The following SBNO2 variants were observed in gnomAD, a reference collection of about 807,000 sequenced individuals.
SBNO2 encodes strawberry notch homolog 2.
In SBNO2, 89 loss-of-function variants were observed where a neutral mutation model predicts 146.3. The ratio of observed to expected loss-of-function variants is 0.61; its 90% confidence interval spans 0.51 to 0.73. The LOEUF (loss-of-function observed/expected upper bound fraction) is 0.73, where lower values mean the gene tolerates loss of function less well. SBNO2 is among the 30% of genes least tolerant of loss of function. SBNO2 has a pLI of 0.00. For synonymous variants in SBNO2, 1,147 were observed against 892.6 expected, an observed-to-expected ratio of 1.29 and a Z score of -5.08; for missense variants, 2,092 against 2,003.7, an observed-to-expected ratio of 1.04 and a Z score of -0.84.
chr19:1,113,487 A>C, intron 19 of SBNO2, 48 bp downstream of exon 19: 5 of 1,429,886 alleles, frequency 3.5e-6, no homozygotes, highest in Non-Finnish European at 4.8e-6. Context: ...AGCCCCACCC[A>C]CTGCCCATGC....
chr19:1,111,027 A>G lies in SBNO2; in HGVS notation c.2876T>C (p.Val959Ala). The G allele has an allele frequency of 6.3e-7, 1 of 1,582,448 alleles. No homozygotes were observed. The highest frequency in any genetic ancestry group is 8.6e-7 in the Non-Finnish European group (1 of 1,165,148). Residue 959 changes from valine (V) to alanine (A), a missense_variant, in exon 25 of 32, where the codon GTG (valine) becomes GCG (alanine). By Grantham distance (64) the Val-to-Ala change is moderately conservative (BLOSUM62 0). Coordinates refer to ENST00000361757, the MANE Select transcript of SBNO2 (RefSeq NM_014963.3). ...GGGTGTGGGGCACTCACCCTTCTCCACGTCCAGGCAGCCATTCCGGGACTC... is the reference window on the plus strand; with the variant it reads ...GGGTGTGGGGCACTCACCCTTCTCCGCGTCCAGGCAGCCATTCCGGGACTC... ...GRESRNGCLD[V>A]EKDCSITKFL...
Position 1,108,069 on chromosome 19 carries a change from G to T in SBNO2, c.*151C>A. The T allele has an allele frequency of 1.1e-6, 1 of 893,096 alleles. No individual in the cohort carries two copies. Among genetic ancestry groups the T allele is most frequent in the Non-Finnish European group, 1.5e-6 (1 of 651,922 alleles). 55.3% of individuals were successfully genotyped at this position (893,096 alleles called of 1,614,324 possible). ...AGTGGGCCCCGCCAGGGCTGACCAG[G>T]TGGGGGCCCGGGTCGGGCGCTGAAG... On this transcript the variant is annotated 3_prime_UTR_variant, in exon 32 of 32. Coordinates refer to ENST00000361757, the MANE Select transcript of SBNO2 (RefSeq NM_014963.3).
At position 1,108,511 on chromosome 19, in the gene SBNO2, C is replaced by T. The variant is rs2079703127; in HGVS notation, c.3810G>A (p.Pro1270=). The T allele has an allele frequency of 8.3e-7, 1 of 1,207,622 alleles. No homozygotes were observed. Among genetic ancestry groups the T allele is most frequent in the Non-Finnish European group, 1.0e-6 (1 of 970,358 alleles). 74.8% of individuals were successfully genotyped at this position (1,207,622 alleles called of 1,614,324 possible). A position where few individuals can be genotyped will look rare whatever the true frequency, so the allele number is the denominator to read the frequency against. The change falls in exon 32 of 32, where the codon CCG becomes CCA. Residue 1270 remains proline (P), a synonymous_variant. Coordinates refer to ENST00000361757, the MANE Select transcript of SBNO2 (RefSeq NM_014963.3). ...GCGCCGGGAAAGAGAAGTGCGGGGG[C>T]GGCGGGAAGGCCTCGGCCGGGGGGC... ...TYSPPAEAFP[P]PPHFSFPAPL...
In SBNO2 at chr19:1,144,947, C is replaced by G. The variant is rs1160405136; in HGVS notation, c.279+2362G>C. 7.0e-6 allele frequency among the ~76,000 whole-genome samples: 1 copy of G among 142,872 alleles called. No individual in the cohort carries two copies. Among genetic ancestry groups the G allele is most frequent in the Non-Finnish European group, 1.5e-5 (1 of 66,316 alleles). 93.7% of individuals were successfully genotyped at this position (142,872 alleles called of 152,430 possible). A position where few individuals can be genotyped will look rare whatever the true frequency, so the allele number is the denominator to read the frequency against. ...AGAGAGACAGAGACAGAGAGGGAGA[C>G]AGAGACAAAGAGGGAGACAGAGACA... is the stretch of plus-strand genomic sequence containing the variant. On this transcript the variant is annotated intron_variant, in intron 4 of 31. Coordinates refer to ENST00000361757, the MANE Select transcript of SBNO2 (RefSeq NM_014963.3). The surrounding 1 kb of genome is among the most constrained non-coding windows in gnomAD (Gnocchi z 4.1).
intron 1 of SBNO2, among the ~76,000 whole-genome samples, chr19:1,164,653 G>C: frequency 1.4e-5 from 2 of 144,276 alleles, no homozygotes; most frequent in Non-Finnish European, 3.1e-5. Context: ...AGGAACAGGA[G>C]GAGGAGGAGG....
chr19:1,132,387 G>C lies in SBNO2; in HGVS notation c.280-4622C>G, dbSNP rs2080041139. ...TACCGGCAGTGCGAGGAGAATTACTGTACGGGGCGGATCTCCCACAGGCGC... is the reference window on the plus strand; with the variant it reads ...TACCGGCAGTGCGAGGAGAATTACTCTACGGGGCGGATCTCCCACAGGCGC... On this transcript the variant is annotated intron_variant, in intron 4 of 31. Coordinates refer to ENST00000361757, the MANE Select transcript of SBNO2 (RefSeq NM_014963.3). 5 of 704,100 alleles carry C rather than the reference G, an allele frequency of 7.1e-6. 1 individual carries two copies. The Admixed American group carries it at 2.5e-4, about 35-fold the overall frequency. 43.6% of individuals were successfully genotyped at this position (704,100 alleles called of 1,614,324 possible). A position where few individuals can be genotyped will look rare whatever the true frequency, so the allele number is the denominator to read the frequency against.
In SBNO2 at chr19:1,122,152, G is replaced by A. The variant is rs1024211702; in HGVS notation, c.1136C>T (p.Ala379Val). The change falls in exon 11 of 32, where the codon GCC (alanine) becomes GTC (valine). Residue 379 changes from alanine to valine, a missense_variant. Physicochemically the swap from Ala to Val is moderately conservative, Grantham distance 64. Transcript: ENST00000361757. ...LRQILDWCGE[A>V]FEGVIVFDEC... is the part of the protein sequence containing the mutation. Reference sequence around the variant, plus strand: ...CCAGCAGGATACGACGCCCTCGAAGGCCTCCCCACACCAGTCCAGGATCTG... The same window carrying A: ...CCAGCAGGATACGACGCCCTCGAAGACCTCCCCACACCAGTCCAGGATCTG... 8.2e-6 allele frequency: 12 copies of A among 1,459,466 alleles called. No homozygotes were observed. The highest frequency in any genetic ancestry group is 6.4e-6 in the Non-Finnish European group (7 of 1,099,726). The allele number at this position is 1,459,466 out of a possible 1,614,324, so 90.4% of individuals were successfully genotyped here. A position where few individuals can be genotyped will look rare whatever the true frequency, so the allele number is the denominator to read the frequency against.
rs985439319 is a variant in SBNO2 at position 1,158,278 on chromosome 19, G to C, written c.-126-3876C>G. ...TCAGACCCGAGCCGTCTGCAGATGGGGAGCTGTGTCCTCGGAGCCCGGTTC... is the reference window on the plus strand; with the variant it reads ...TCAGACCCGAGCCGTCTGCAGATGGCGAGCTGTGTCCTCGGAGCCCGGTTC... On this transcript the variant is annotated intron_variant, in intron 1 of 31. Coordinates refer to ENST00000361757, the MANE Select transcript of SBNO2 (RefSeq NM_014963.3). This position sits in a 1 kb window ranked among gnomAD's most constrained non-coding sequence, Gnocchi z 9.9. Among the ~76,000 whole-genome samples, 1 of 151,986 alleles carries C rather than the reference G, an allele frequency of 6.6e-6. No homozygotes were observed. The highest frequency in any genetic ancestry group is 1.5e-5 in the Non-Finnish European group (1 of 67,976).
intron 4 of SBNO2, chr19:1,132,266 T>TTGCATG (rs2080039067): frequency 7.6e-7 from 1 of 1,315,286 alleles, no homozygotes; most frequent in African/African-American, 1.5e-5. Context: ...CCGGCTGCAT[T>TTGCATG]TGCATGTCGG....
rs549082861 is a variant in SBNO2, at chr19:1,110,841, G to A, written c.2932C>T (p.His978Tyr). ...FLNRILGLEV[H>Y]KQNALFQYFS... is the part of the protein sequence containing the mutation. ...TACTGGAACAGGGCGTTCTGCTTGT[G>A]CACCTCCAGCCCCAGGATGCGGTTC... Residue 978 changes from histidine to tyrosine, a missense_variant, in exon 26 of 32, where the codon CAC (histidine) becomes TAC (tyrosine). Coordinates refer to ENST00000361757, the MANE Select transcript of SBNO2 (RefSeq NM_014963.3). The surrounding 1 kb of genome is among the most constrained non-coding windows in gnomAD (Gnocchi z 4.9). 3.6e-5 allele frequency: 58 copies of A among 1,613,654 alleles called. No individual in the cohort carries two copies. The South Asian group carries it at 5.3e-4, about 15-fold the overall frequency.
intron 2 of SBNO2, among the ~76,000 whole-genome samples, chr19:1,152,804 C>A (rs1474055411): frequency 6.6e-6 from 1 of 152,158 alleles, no homozygotes; most frequent in Non-Finnish European, 1.5e-5. Context: ...CCCTGGAGTC[C>A]TGGAGCAGGT....
At chr19:1,129,393 C>T (rs2080002945) in intron 4 of SBNO2, among the ~76,000 whole-genome samples, 1 of 152,074 alleles carries the variant, frequency 6.6e-6, no homozygotes, top group African/African-American at 2.4e-5. Context: ...GACCCAAGCA[C>T]CTGGGCACTG....
chr19:1,174,017 G>A (rs2080506818), intron 1 of SBNO2, among the ~76,000 whole-genome samples, 155 bp downstream of exon 1: 1 of 150,350 alleles, frequency 6.7e-6, no homozygotes, highest in East Asian at 2.0e-4. Context: ...CGCGGCGGAG[G>A]GCGGGGGTCC....
chr19:1,114,539 G>T, intron 17 of SBNO2, 117 bp from the exon 18 acceptor site: 1 of 838,952 alleles, frequency 1.2e-6, no homozygotes, highest in Non-Finnish European at 1.7e-6. Context: ...GTCCATCCGA[G>T]AACCCCCTGC....
chr19:1,111,720 CCCTCCCCTAGACTCCTAGACCCCA>C (rs1337556548), intron 23 of SBNO2, 106 bp from the exon 24 acceptor site: 41 of 773,730 alleles, frequency 5.3e-5, no homozygotes, highest in Middle Eastern at 3.9e-4. Flanking sequence ...CTGGACCCTG[CCCTCCCCTAGACTCCTAGACCCCA>C]CCTCCCCCAG....
Position 1,116,057 on chromosome 19 carries a change from T to C in SBNO2, c.1849A>G (p.Arg617Gly), listed in dbSNP as rs747002614. ...CTGCCCGCTCCTCTGTCCCGCTTTC[T>C]CTTGGTGGACGGAAAGTGCTTCTGA... ...LIQKHFPSTK[R>G]KRDRGAGSKR... Residue 617 changes from arginine (R) to glycine (G), a missense_variant, in exon 17 of 32, where the codon AGA (arginine) becomes GGA (glycine). By Grantham distance (125) the Arg-to-Gly change is moderately radical. Transcript: ENST00000361757. 6.2e-7 allele frequency: 1 copy of C among 1,610,816 alleles called. No individual in the cohort carries two copies.
At chr19:1,116,325 TC>T (rs960082126) in intron 16 of SBNO2, among the ~76,000 whole-genome samples, 6 of 147,224 alleles carry the variant, frequency 4.1e-5, no homozygotes, top group African/African-American at 1.5e-4. Flanking sequence ...CCACCAGGCT[TC>T]CCCCGCTCTG....
At chr19:1,171,878 C>T (rs2080481548) in intron 1 of SBNO2, among the ~76,000 whole-genome samples, 1 of 152,210 alleles carries the variant, frequency 6.6e-6, no homozygotes, top group Non-Finnish European at 1.5e-5. Context: ...CCCTCTCCTC[C>T]GCACCTGCAC....
intron 4 of SBNO2, chr19:1,132,097 A>T: frequency 6.5e-7 from 1 of 1,542,402 alleles, no homozygotes; most frequent in East Asian, 2.7e-5. Context: ...TACCTTGTTC[A>T]GAGCCTCAAA....
Sources: gnomAD v4.1 joint callset for allele counts (sites outside exome capture counted in the v4.1 genomes callset) on GRCh38, gnomAD v4.1.1 for gene constraint, Gnocchi (gnomAD v3.1) non-coding constraint, MANE v1.5 for transcripts, NCBI Gene and HGNC (gene_info 2026-07-23, HGNC 2026-07-21) for gene names.